Variants in YEATS4 observed in about 807,000 individuals in gnomAD.
YEATS4 encodes YEATS domain containing 4.
Under a neutral mutation model 30.1 loss-of-function variants are expected in YEATS4, and 17 were observed. The observed-to-expected ratio is 0.56, with a 90% CI of 0.39 to 0.85. The LOEUF (loss-of-function observed/expected upper bound fraction) is 0.85, where lower values mean the gene tolerates loss of function less well. Among genes scored for constraint, YEATS4 ranks in the 40% least tolerant of loss-of-function variants. YEATS4 has a pLI of 0.00. For missense variants in YEATS4, 142 were observed against 268.3 expected (o/e 0.53, Z 3.29); for synonymous variants, 85 against 87.5 (o/e 0.97, Z 0.16).
the YEATS4 span, among the ~76,000 whole-genome samples, chr12:69,397,547 C>G: frequency 2.0e-5 from 3 of 152,230 alleles, no homozygotes; most frequent in Non-Finnish European, 2.9e-5. Flanking sequence ...CACACGCTCT[C>G]TTGCCTGCCA....
chr12:69,397,430 C>G, the YEATS4 span, among the ~76,000 whole-genome samples: 1 of 152,070 alleles, frequency 6.6e-6, no homozygotes, highest in South Asian at 2.1e-4. Flanking sequence ...ATGAGAGGGA[C>G]CCAGTGGAGG....
chr12:69,397,156 A>C, the YEATS4 span, among the ~76,000 whole-genome samples: 26 of 152,330 alleles, frequency 1.7e-4, no homozygotes, highest in African/African-American at 5.1e-4. Context: ...ACTGGGATTT[A>C]TCTCAGGAAT....
At chr12:69,374,919 C>T (rs969406199) in intron 6 of YEATS4, among the ~76,000 whole-genome samples, 58 of 150,296 alleles carry the variant, frequency 3.9e-4, no homozygotes, top group African/African-American at 1.1e-3. Context: ...GGGTGGCGGC[C>T]GGGCAGAGGG....
the YEATS4 span, among the ~76,000 whole-genome samples, chr12:69,398,967 G>T: frequency 6.6e-6 from 1 of 151,814 alleles, no homozygotes; most frequent in African/African-American, 2.4e-5. Context: ...TGGCTAACAT[G>T]GTGAAACACT....
At chr12:69,366,567 T>C (rs1875442052) in intron 4 of YEATS4, among the ~76,000 whole-genome samples, 1 of 152,206 alleles carries the variant, frequency 6.6e-6, no homozygotes, top group East Asian at 1.9e-4. Flanking sequence ...TTTTCTAGTA[T>C]TTTTTCTTTT....
At chr12:69,398,814 CAA>C in the YEATS4 span, among the ~76,000 whole-genome samples, 4 of 98,450 alleles carry the variant, frequency 4.1e-5, no homozygotes, top group South Asian at 3.2e-4. Flanking sequence ...GACCCTGTCT[CAA>C]AAAAAAAAAA....
intron 6 of YEATS4, among the ~76,000 whole-genome samples, chr12:69,372,138 A>T (rs528974): frequency 0.46 from 70,026 of 151,908 alleles, 16,177 homozygotes; most frequent in Non-Finnish European, 0.5. Flanking sequence ...AAACTGAGAT[A>T]TGAAGTCATT....
chr12:69,362,909 T>C lies in YEATS4; in HGVS notation c.171+2T>C. ...TATGTGAAACCATATAGAAATGAGGTAGGCACTCGTTTTTTCTGTAACTGT... is the reference window on the plus strand; with the variant it reads ...TATGTGAAACCATATAGAAATGAGGCAGGCACTCGTTTTTTCTGTAACTGT... On this transcript the variant is annotated splice_donor_variant, in intron 2 of 6. Transcript: ENST00000247843. LOFTEE classifies it high-confidence loss of function. 6.5e-7 allele frequency: 1 copy of C among 1,544,256 alleles called. No homozygotes were observed.
At chr12:69,369,396 T>G (rs315136) in intron 4 of YEATS4, among the ~76,000 whole-genome samples, 9,015 of 152,264 alleles carry the variant, frequency 0.059, 390 homozygotes, top group African/African-American at 0.12. Flanking sequence ...AATGTCCTTA[T>G]TTTTTCTTCA....
chr12:69,400,267 T>C, the YEATS4 span, among the ~76,000 whole-genome samples: 1 of 152,158 alleles, frequency 6.6e-6, no homozygotes, highest in Non-Finnish European at 1.5e-5. Flanking sequence ...CAAGGTCACA[T>C]ACTAGGAAGT....
the YEATS4 span, among the ~76,000 whole-genome samples, chr12:69,416,103 T>C: frequency 0.32 from 48,905 of 152,064 alleles, 8,142 homozygotes; most frequent in East Asian, 0.57. Flanking sequence ...CCCGCGGTCC[T>C]ACCTCAGTGG....
At position 69,390,558 on chromosome 12, in the gene YEATS4, T is replaced by A. The variant is rs1868305717; in HGVS notation, c.*242T>A. On this transcript the variant is annotated 3_prime_UTR_variant, in exon 7 of 7. Coordinates refer to ENST00000247843, the MANE Select transcript of YEATS4 (RefSeq NM_006530.4). ...CCCATTTTAAGAAAATTCTATGATA[T>A]TAAGCACAGTTTTTAAAAATGTTTA... 1 of 253,282 alleles carries A rather than the reference T, an allele frequency of 3.9e-6. No individual in the cohort carries two copies. The highest frequency in any genetic ancestry group is 1.4e-4 in the South Asian group (1 of 7,302). 15.7% of individuals were successfully genotyped at this position (253,282 alleles called of 1,614,324 possible). A position where few individuals can be genotyped will look rare whatever the true frequency, so the allele number is the denominator to read the frequency against.
chr12:69,422,943 C>A, the YEATS4 span: 1 of 152,234 alleles, frequency 6.6e-6, no homozygotes, highest in African/African-American at 2.4e-5. Context: ...AATACCCCTC[C>A]CTGATTTAGA....
the YEATS4 span, among the ~76,000 whole-genome samples, chr12:69,426,146 G>T: frequency 6.6e-6 from 1 of 152,130 alleles, no homozygotes; most frequent in Admixed American, 6.5e-5. Flanking sequence ...GGAAGCTGGG[G>T]CGGGAGGATC....
chr12:69,365,749 G>C (rs1479024553), intron 3 of YEATS4, 41 bp from the exon 4 acceptor site: 1 of 1,589,628 alleles, frequency 6.3e-7, no homozygotes, highest in Non-Finnish European at 8.6e-7. Context: ...AAATGGCTAG[G>C]AAACTAAACC....
the YEATS4 span, among the ~76,000 whole-genome samples, chr12:69,421,377 T>C: frequency 6.6e-6 from 1 of 152,218 alleles, no homozygotes; most frequent in African/African-American, 2.4e-5. Context: ...AAAAACATTA[T>C]TTTCCTTTAT....
the YEATS4 span, among the ~76,000 whole-genome samples, chr12:69,399,072 G>A: frequency 1.4e-4 from 21 of 147,614 alleles, no homozygotes; most frequent in East Asian, 4.1e-4. Context: ...GCGTGAACCC[G>A]GGAGGCGGAG....
the YEATS4 span, among the ~76,000 whole-genome samples, chr12:69,422,317 A>G: frequency 3.3e-5 from 5 of 152,168 alleles, no homozygotes; most frequent in Admixed American, 2.0e-4. Flanking sequence ...TCAGGTCCTC[A>G]CTTCCAAGAT....
At chr12:69,420,352 G>A in the YEATS4 span, among the ~76,000 whole-genome samples, 39 of 152,002 alleles carry the variant, frequency 2.6e-4, no homozygotes, top group Non-Finnish European at 3.8e-4. Context: ...AAAGGAAAGG[G>A]TTACTGTGAG....
Sources: allele counts gnomAD v4.1 joint callset (sites outside exome capture counted in the v4.1 genomes callset), GRCh38; gene constraint gnomAD v4.1.1; transcripts MANE v1.5; gene names NCBI Gene and HGNC (gene_info 2026-07-23, HGNC 2026-07-21).